The following BFSP2 variants were observed in gnomAD, a reference collection of about 807,000 sequenced individuals.
BFSP2 encodes the protein beaded filament structural protein 2, also known as phakinin.
BFSP2 carries 38 observed loss-of-function variants against 44.9 expected under a neutral mutation model. The observed-to-expected ratio is 0.85, with a 90% CI of 0.65 to 1.11. The LOEUF (loss-of-function observed/expected upper bound fraction) is 1.11, where lower values mean the gene tolerates loss of function less well. BFSP2 is among the 50% of genes least tolerant of loss of function. BFSP2 has a pLI of 0.00. For synonymous variants in BFSP2, 197 were observed against 209.9 expected, an observed-to-expected ratio of 0.94 and a Z score of 0.53; for missense variants, 525 against 533.0, an observed-to-expected ratio of 0.99 and a Z score of 0.15.
chr3:133,421,857 C>T (rs997725813), intron 1 of BFSP2, among the ~76,000 whole-genome samples: 4 of 152,062 alleles, frequency 2.6e-5, no homozygotes, highest in African/African-American at 4.8e-5. Flanking sequence ...GCCCGTAATC[C>T]CAGCACTTTG....
intron 5 of BFSP2, among the ~76,000 whole-genome samples, chr3:133,468,814 T>C (rs1249476088): frequency 6.6e-6 from 1 of 152,212 alleles, no homozygotes; most frequent in Non-Finnish European, 1.5e-5. Context: ...AGAAAGCGAT[T>C]GTGGAGTGGA....
At chr3:133,411,577 T>A (rs529754915) in intron 1 of BFSP2, among the ~76,000 whole-genome samples, 1 of 152,254 alleles carries the variant, frequency 6.6e-6, no homozygotes, top group South Asian at 2.1e-4. Flanking sequence ...AAGATAAAAC[T>A]ACTAATTTAC....
rs76444033 is a variant in BFSP2 at position 133,425,451 on chromosome 3, C to A, written c.490-21866C>A. Among the ~76,000 whole-genome samples, 709 of 152,320 alleles carry A rather than the reference C, an allele frequency of 4.7e-3. 7 individuals are homozygous for A. The highest frequency in any genetic ancestry group is 0.016 in the African/African-American group (661 of 41,578). ...CTCCCAAGATCCCTTTCAACTTGCT[C>A]AGTGGGTGGTAGACATTCTTCCCAG... On this transcript the variant is annotated intron_variant, in intron 1 of 6. Coordinates refer to ENST00000302334, the MANE Select transcript of BFSP2 (RefSeq NM_003571.4).
chr3:133,414,138 TTACTCACCCCTGCCCTTTCCCCTC>T (rs1459278262), intron 1 of BFSP2, among the ~76,000 whole-genome samples: 15 of 35,634 alleles, frequency 4.2e-4, no homozygotes, highest in Non-Finnish European at 1.1e-4. Flanking sequence ...TCCTCTCACC[TTACTCACCCCTGCCCTTTCCCCTC>T]TACTCACCCC....
At chr3:133,404,100 C>A (rs1206244515) in intron 1 of BFSP2, among the ~76,000 whole-genome samples, 1 of 152,096 alleles carries the variant, frequency 6.6e-6, no homozygotes, top group African/African-American at 2.4e-5. Flanking sequence ...TGGAGTGCAG[C>A]GATGCCATCA....
At chr3:133,421,539 G>C (rs1016732132) in intron 1 of BFSP2, among the ~76,000 whole-genome samples, 1 of 151,878 alleles carries the variant, frequency 6.6e-6, no homozygotes, top group African/African-American at 2.4e-5. Flanking sequence ...TTAGATGAGA[G>C]CCTACCCTAA....
At chr3:133,405,529 A>G (rs1048805913) in intron 1 of BFSP2, among the ~76,000 whole-genome samples, 1 of 149,390 alleles carries the variant, frequency 6.7e-6, no homozygotes, top group African/African-American at 2.5e-5. Flanking sequence ...CTCTTTTTAG[A>G]AAAAAAAAAC....
chr3:133,447,404 T>C lies in BFSP2; in HGVS notation c.572+5T>C. The C allele has an allele frequency of 3.7e-6, 6 of 1,613,696 alleles. No individual in the cohort carries two copies. Among genetic ancestry groups the C allele is most frequent in the Non-Finnish European group, 5.1e-6 (6 of 1,179,794 alleles). Reference sequence around the variant, plus strand: ...AGCAGATGACTTTAAAGAGAGGTAATGTCTTACAGCAGAGGCGACAGTCCC... The same window carrying C: ...AGCAGATGACTTTAAAGAGAGGTAACGTCTTACAGCAGAGGCGACAGTCCC... On this transcript the variant is annotated splice_donor_5th_base_variant and intron_variant, in intron 2 of 6. Coordinates refer to ENST00000302334, the MANE Select transcript of BFSP2 (RefSeq NM_003571.4).
intron 5 of BFSP2, among the ~76,000 whole-genome samples, chr3:133,470,684 C>T (rs1284807145): frequency 6.6e-6 from 1 of 152,200 alleles, no homozygotes; most frequent in Non-Finnish European, 1.5e-5. Flanking sequence ...GGGCAATCTA[C>T]ACATACCAAG....
chr3:133,417,645 T>C (rs2073552682), intron 1 of BFSP2, among the ~76,000 whole-genome samples: 2 of 127,990 alleles, frequency 1.6e-5, no homozygotes, highest in African/African-American at 3.0e-5. Flanking sequence ...CTCACCCTTG[T>C]CCTCTTCCCT....
intron 1 of BFSP2, among the ~76,000 whole-genome samples, chr3:133,411,187 A>G (rs1422473843): frequency 6.6e-6 from 1 of 151,628 alleles, no homozygotes; most frequent in Non-Finnish European, 1.5e-5. Context: ...ACCGAAAAAA[A>G]AAAAAAAAAA....
intron 1 of BFSP2, among the ~76,000 whole-genome samples, chr3:133,419,592 G>A (rs1382768864): frequency 2.6e-5 from 4 of 152,116 alleles, no homozygotes; most frequent in Non-Finnish European, 4.4e-5. Context: ...GTCCTTCTCT[G>A]CCTCTTTTAA....
intron 3 of BFSP2, among the ~76,000 whole-genome samples, 156 bp from the exon 4 acceptor site, chr3:133,450,144 GGAA>G (rs2073948169): frequency 1.3e-5 from 2 of 152,258 alleles, no homozygotes; most frequent in South Asian, 2.1e-4. Flanking sequence ...ACTTACGCTG[GGAA>G]GAAGGTCAGG....
rs767599025 is a variant in BFSP2, at chr3:133,472,348, C to T, written c.1027C>T (p.Arg343Ter). 1.2e-6 allele frequency: 2 copies of T among 1,611,118 alleles called. No individual in the cohort carries two copies. Among genetic ancestry groups the T allele is most frequent in the South Asian group, 1.1e-5 (1 of 90,974 alleles). The change falls in exon 6 of 7, where the codon CGA becomes TGA. Residue 343 changes from arginine (R) to a stop codon, truncating the protein, a stop_gained. Transcript: ENST00000302334. LOFTEE classifies it high-confidence loss of function. The part of the protein sequence containing the change: ...AETESLRALK[R>*]GLENTLHDAK... ...GACCGGGTTCGCTCTTTTGTAGAAA[C>T]GAGGCCTGGAGAACACCTTGCACGA...
intron 1 of BFSP2, among the ~76,000 whole-genome samples, chr3:133,439,928 C>G (rs72980096): frequency 0.11 from 17,267 of 150,668 alleles, 973 homozygotes; most frequent in Middle Eastern, 0.19. Context: ...CAGAGACAGA[C>G]AGAGAGAGAG....
At chr3:133,471,004 G>A (rs2074157256) in intron 5 of BFSP2, among the ~76,000 whole-genome samples, 1 of 152,212 alleles carries the variant, frequency 6.6e-6, no homozygotes, top group Non-Finnish European at 1.5e-5. Context: ...CATGGTGCAG[G>A]TGGAGGAAAG....
intron 3 of BFSP2, 103 bp downstream of exon 3, chr3:133,448,748 C>A: frequency 6.9e-7 from 1 of 1,446,320 alleles, no homozygotes; most frequent in Non-Finnish European, 9.6e-7. Context: ...TCTGACTCTC[C>A]ACATTGCGTG....
At chr3:133,439,521 T>C (rs1475904264) in intron 1 of BFSP2, among the ~76,000 whole-genome samples, 1 of 152,206 alleles carries the variant, frequency 6.6e-6, no homozygotes, top group African/African-American at 2.4e-5. Flanking sequence ...GAGATTGATA[T>C]ACCACAGTGA....
intron 6 of BFSP2, among the ~76,000 whole-genome samples, chr3:133,474,361 A>G (rs2107947397): frequency 6.6e-6 from 1 of 152,360 alleles, no homozygotes; most frequent in African/African-American, 2.4e-5. Context: ...CGGAGACAGC[A>G]CTGGGATGGG....
Sources: allele counts gnomAD v4.1 joint callset (sites outside exome capture counted in the v4.1 genomes callset), GRCh38; gene constraint gnomAD v4.1.1; transcripts MANE v1.5; gene names NCBI Gene and HGNC (gene_info 2026-07-23, HGNC 2026-07-21).